Variants in ABHD2 observed in about 807,000 individuals in gnomAD.
ABHD2 encodes abhydrolase domain containing 2, acylglycerol lipase.
In ABHD2, 20 loss-of-function variants were observed where a neutral mutation model predicts 48.1. The ratio of observed to expected loss-of-function variants is 0.42; its 90% CI spans 0.29 to 0.60. The LOEUF (loss-of-function observed/expected upper bound fraction) is 0.60. Among genes scored for constraint, ABHD2 ranks in the 20% least tolerant of loss-of-function variants. ABHD2 has a pLI of 0.24. For missense variants in ABHD2, 405 were observed against 550.9 expected (o/e 0.74, Z 2.65); for synonymous variants, 209 against 214.2 (o/e 0.98, Z 0.21).
chr15:89,149,872 A>G (rs1310155395), intron 3 of ABHD2, among the ~76,000 whole-genome samples: 1 of 152,174 alleles, frequency 6.6e-6, no homozygotes, highest in African/African-American at 2.4e-5. Context: ...GGTGGGGGCC[A>G]GGCTTGTGTG....
chr15:89,071,850 C>T, the ABHD2 span, among the ~76,000 whole-genome samples: 3 of 152,228 alleles, frequency 2.0e-5, no homozygotes, highest in African/African-American at 4.8e-5. Flanking sequence ...TGCTCACTCC[C>T]TGATGACAAA....
the ABHD2 span, among the ~76,000 whole-genome samples, chr15:89,047,518 A>G: frequency 5.2e-3 from 760 of 145,142 alleles, 8 homozygotes; most frequent in Non-Finnish European, 8.1e-3. Context: ...CCCATTATTA[A>G]TGTGTGGGAG....
intron 5 of ABHD2, among the ~76,000 whole-genome samples, chr15:89,172,298 C>G (rs2050942924): frequency 6.6e-6 from 1 of 152,214 alleles, no homozygotes; most frequent in Admixed American, 6.5e-5. Flanking sequence ...TCCCTAGCCC[C>G]TGGCAACCAC....
Position 89,155,248 on chromosome 15 carries a change from G to C in ABHD2, c.371-119G>C. 8.8e-7 allele frequency: 1 copy of C among 1,132,332 alleles called. No individual in the cohort carries two copies. Among genetic ancestry groups the C allele is most frequent in the South Asian group, 1.5e-5 (1 of 66,724 alleles). The allele number at this position is 1,132,332 out of a possible 1,614,324, so 70.1% of individuals were successfully genotyped here. On this transcript the variant is annotated intron_variant, in intron 4 of 10. Coordinates refer to ENST00000352732, the MANE Select transcript of ABHD2 (RefSeq NM_152924.5). This position sits in a 1 kb window ranked among gnomAD's most constrained non-coding sequence, Gnocchi z 4.9. ...GGGAAAAATTCTTCCCCAGAGAACT[G>C]AGTGAAAGATGTATGTTGAATTCCC...
At chr15:89,050,572 C>T in the ABHD2 span, among the ~76,000 whole-genome samples, 1 of 152,214 alleles carries the variant, frequency 6.6e-6, no homozygotes, top group Non-Finnish European at 1.5e-5. Flanking sequence ...CGTGTTCCCA[C>T]ATTGTGAGTC....
intron 5 of ABHD2, among the ~76,000 whole-genome samples, chr15:89,161,766 T>A (rs1182448952): frequency 1.3e-5 from 2 of 152,230 alleles, no homozygotes; most frequent in Non-Finnish European, 2.9e-5. Flanking sequence ...ATTTCCAGTG[T>A]GCATCACTAA....
rs4032279 is a variant in ABHD2 at position 89,146,355 on chromosome 15, C to CGTGTGTGTGTGT, written c.195-5289_195-5278dup. ...TGAGCTTCATCTGCTCAAAGACGTA[C>CGTGTGTGTGTGT]GTGTGTGTGTGTGTGTGTGTGTGTG... On this transcript the variant is annotated intron_variant, in intron 3 of 10. Transcript: ENST00000352732. This position sits in a 1 kb window ranked among gnomAD's most constrained non-coding sequence, Gnocchi z 4.2. Among the ~76,000 whole-genome samples the CGTGTGTGTGTGT allele has an allele frequency of 6.4e-3, 781 of 121,612 alleles. 11 individuals carry two copies. Among genetic ancestry groups the CGTGTGTGTGTGT allele is most frequent in the South Asian group, 0.013 (40 of 3,174 alleles). The allele number at this position is 121,612 out of a possible 152,430, so 79.8% of individuals were successfully genotyped here.
At position 89,185,361 on chromosome 15, in the gene ABHD2, C is replaced by G. The variant is rs2051188515; in HGVS notation, c.723-63C>G. The stretch of plus-strand genomic sequence containing the variant: ...GCACCTCACCCCATGGCTAGAGCCC[C>G]CTCCTGGCTGCCCGCCTGCACCCCC... On this transcript the variant is annotated intron_variant, in intron 6 of 10. Coordinates refer to ENST00000352732, the MANE Select transcript of ABHD2 (RefSeq NM_152924.5). This position sits in a 1 kb window ranked among gnomAD's most constrained non-coding sequence, Gnocchi z 5.9. 20 of 1,380,776 alleles carry G rather than the reference C, an allele frequency of 1.4e-5. No individual in the cohort carries two copies. Among genetic ancestry groups the G allele is most frequent in the Non-Finnish European group, 2.0e-5 (19 of 972,618 alleles). 85.5% of individuals were successfully genotyped at this position (1,380,776 alleles called of 1,614,324 possible).
intron 3 of ABHD2, among the ~76,000 whole-genome samples, chr15:89,142,320 C>T (rs1026379610): frequency 7.9e-5 from 12 of 152,086 alleles, no homozygotes; most frequent in African/African-American, 2.2e-4. Context: ...TTTATTATGC[C>T]GTGTTCAAAG....
chr15:89,152,078 T>C (rs1262600083), intron 4 of ABHD2, among the ~76,000 whole-genome samples: 2 of 36,496 alleles, frequency 5.5e-5, no homozygotes, highest in Non-Finnish European at 1.1e-4. Flanking sequence ...TGTAGAATAG[T>C]TTTTTTTTTT....
At chr15:89,072,097 T>C in the ABHD2 span, among the ~76,000 whole-genome samples, 8 of 152,222 alleles carry the variant, frequency 5.3e-5, no homozygotes, top group African/African-American at 1.9e-4. Flanking sequence ...AACAAAAATG[T>C]CTCCGTTAGA....
chr15:89,147,193 G>A (rs975071990), intron 3 of ABHD2, among the ~76,000 whole-genome samples: 5 of 152,016 alleles, frequency 3.3e-5, no homozygotes, highest in Non-Finnish European at 5.9e-5. Context: ...ATTGTGCAAG[G>A]ACAATGAGCT....
chr15:89,161,939 C>T (rs1426120708), intron 5 of ABHD2, among the ~76,000 whole-genome samples: 1 of 152,180 alleles, frequency 6.6e-6, no homozygotes, highest in Admixed American at 6.5e-5. Context: ...TGAGACCTCT[C>T]TTCCTGGCTT....
At chr15:89,132,050 A>G (rs1309834683) in intron 3 of ABHD2, among the ~76,000 whole-genome samples, 1 of 151,718 alleles carries the variant, frequency 6.6e-6, no homozygotes, top group Non-Finnish European at 1.5e-5. Context: ...GAAAAACATG[A>G]AAAAAAAATT....
intron 5 of ABHD2, among the ~76,000 whole-genome samples, chr15:89,158,224 A>G (rs2050705948): frequency 6.6e-6 from 1 of 152,202 alleles, no homozygotes; most frequent in Non-Finnish European, 1.5e-5. Context: ...ATTCTGATGA[A>G]AAAACTGAGG....
chr15:89,116,414 C>G lies in ABHD2; in HGVS notation c.87C>G (p.Ile29Met), dbSNP rs767077041. Residue 29 changes from isoleucine to methionine, a missense_variant, in exon 3 of 11, where the codon ATC becomes ATG. Physicochemically the swap from Ile to Met is conservative, Grantham distance 10. Transcript: ENST00000352732. This position sits in a 1 kb window ranked among gnomAD's most constrained non-coding sequence, Gnocchi z 4.6. ...LAAVAAVLYV[I>M]VRCLNLKSPT... ...CAGTGGCTGCTGTGCTGTACGTGAT[C>G]GTCCGGTGTTTGAACCTGAAGAGCC... 1.2e-6 allele frequency: 2 copies of G among 1,614,080 alleles called. No homozygotes were observed. The highest frequency in any genetic ancestry group is 1.7e-6 in the Non-Finnish European group (2 of 1,180,046).
chr15:89,103,796 AGGAC>A (rs1242006455), intron 1 of ABHD2: 1 of 152,270 alleles, frequency 6.6e-6, no homozygotes, highest in East Asian at 1.9e-4. Context: ...CATAATCAGC[AGGAC>A]TGATGGCGGA....
At chr15:89,112,683 G>C (rs947761574) in intron 1 of ABHD2, among the ~76,000 whole-genome samples, 9 of 152,230 alleles carry the variant, frequency 5.9e-5, no homozygotes, top group Non-Finnish European at 7.3e-5. Context: ...GTTTACAGCT[G>C]TCTGACTTTG....
At position 89,138,074 on chromosome 15, in the gene ABHD2, G is replaced by A. The variant is rs914810941; in HGVS notation, c.195-13603G>A. Among the ~76,000 whole-genome samples, 4 of 152,244 alleles carry A rather than the reference G, an allele frequency of 2.6e-5. No individual in the cohort carries two copies. The East Asian group carries it at 5.8e-4, about 22-fold the overall frequency. ...TAGATAGGCCAGAAAAGAAACCAGAGGTGTCTGTGGTAGGAGCAGCAAGGG... is the reference window on the plus strand; with the variant it reads ...TAGATAGGCCAGAAAAGAAACCAGAAGTGTCTGTGGTAGGAGCAGCAAGGG... On this transcript the variant is annotated intron_variant, in intron 3 of 10. Coordinates refer to ENST00000352732, the MANE Select transcript of ABHD2 (RefSeq NM_152924.5).
Sources: gnomAD v4.1 joint callset for allele counts (sites outside exome capture counted in the v4.1 genomes callset) on GRCh38, gnomAD v4.1.1 for gene constraint, Gnocchi (gnomAD v3.1) non-coding constraint, MANE v1.5 for transcripts, NCBI Gene and HGNC (gene_info 2026-07-23, HGNC 2026-07-21) for gene names.